RAB27B: variants seen among roughly 807,000 people sequenced by gnomAD.
The protein encoded by RAB27B is ras-related protein Rab-27B.
In RAB27B, 15 loss-of-function variants were observed where a neutral mutation model predicts 24.6. The ratio of observed to expected loss-of-function variants is 0.61; its 90% CI spans 0.41 to 0.94. The LOEUF (loss-of-function observed/expected upper bound fraction) is 0.94. Ranked by LOEUF, RAB27B falls within the 40% of genes least tolerant of loss-of-function variation. RAB27B has a pLI of 0.00. For missense variants in RAB27B, 261 were observed against 266.8 expected, an observed-to-expected ratio of 0.98 and a Z score of 0.15; for synonymous variants, 105 against 92.5, an observed-to-expected ratio of 1.14 and a Z score of -0.78.
chr18:54,879,349 A>G lies in RAB27B; in HGVS notation c.154-20A>G. On this transcript the variant is annotated intron_variant, in intron 2 of 5. Coordinates refer to ENST00000262094, the MANE Select transcript of RAB27B (RefSeq NM_004163.4). ...ACAAAATCCAAAGCAACCTCAACTA[A>G]TGAACGTTGTATCTTTCAGGTTTAT... is the stretch of plus-strand genomic sequence containing the variant. 1.9e-6 allele frequency: 3 copies of G among 1,588,234 alleles called. No homozygotes were observed. The highest frequency in any genetic ancestry group is 2.6e-6 in the Non-Finnish European group (3 of 1,156,648).
chr18:54,773,561 C>T lies in RAB27B; in HGVS notation c.-20+55420C>T, dbSNP rs77758145. 3.6e-3 allele frequency among the ~76,000 whole-genome samples: 551 copies of T among 152,222 alleles called. 16 individuals are homozygous for T. The East Asian group carries it at 0.088, about 24-fold the overall frequency. ...CCTATCTTCCAAGCACATAACTCTG[C>T]GAGGCACTATCTTAGGTGTTATAGA... On this transcript the variant is annotated intron_variant, in intron 2 of 4. Coordinates refer to the RAB27B transcript ENST00000586570.
intron 1 of RAB27B, among the ~76,000 whole-genome samples, chr18:54,872,625 TAAA>T (rs67765103): frequency 4.4e-5 from 6 of 137,566 alleles, no homozygotes; most frequent in Non-Finnish European, 4.6e-5. Context: ...AACTCTGCCT[TAAA>T]AAAAAAAAAA....
At chr18:54,781,111 C>G (rs1400065393) in intron 2 of RAB27B, among the ~76,000 whole-genome samples, 2 of 152,152 alleles carry the variant, frequency 1.3e-5, no homozygotes, top group Non-Finnish European at 2.9e-5. Context: ...GGCCCAGTGA[C>G]AGCCCAACTG....
chr18:54,759,104 G>C (rs1908101498), intron 2 of RAB27B, among the ~76,000 whole-genome samples: 1 of 152,206 alleles, frequency 6.6e-6, no homozygotes, highest in South Asian at 2.1e-4. Context: ...AGCACATGTT[G>C]AATCACTACT....
chr18:54,874,879 GA>G (rs773268265), intron 1 of RAB27B, among the ~76,000 whole-genome samples: 1 of 152,146 alleles, frequency 6.6e-6, no homozygotes, highest in African/African-American at 2.4e-5. Context: ...GGGGAAGAGG[GA>G]AAAAGGTAGA....
At chr18:54,824,071 A>G (rs2145171701), upstream of RAB27B, among the ~76,000 whole-genome samples, 1 of 152,142 alleles carries the variant, frequency 6.6e-6, no homozygotes, top group African/African-American at 2.4e-5. Context: ...TGTTATGATG[A>G]TTGAGGGTTT....
upstream of RAB27B, among the ~76,000 whole-genome samples, chr18:54,825,860 G>A (rs1021518707): frequency 1.3e-5 from 2 of 152,268 alleles, no homozygotes; most frequent in East Asian, 1.9e-4. Flanking sequence ...CCACCACCTG[G>A]CCTCCTTCTA....
At chr18:54,750,089 G>A (rs1907783701) in intron 2 of RAB27B, among the ~76,000 whole-genome samples, 1 of 152,108 alleles carries the variant, frequency 6.6e-6, no homozygotes, top group African/African-American at 2.4e-5. Flanking sequence ...CTATATTTAT[G>A]TGCAACAGAA....
At chr18:54,876,647 G>A (rs1003586013) in intron 1 of RAB27B, among the ~76,000 whole-genome samples, 8 of 151,960 alleles carry the variant, frequency 5.3e-5, no homozygotes, top group East Asian at 1.9e-4. Context: ...TGGTATTCTC[G>A]GTGTTACTGG....
At chr18:54,872,215 A>T (rs1417675246) in intron 1 of RAB27B, among the ~76,000 whole-genome samples, 1 of 152,180 alleles carries the variant, frequency 6.6e-6, no homozygotes, top group East Asian at 1.9e-4. Context: ...CACAAATTTT[A>T]CTTTCAAGTG....
chr18:54,725,629 A>AG (rs1466474996), intron 2 of RAB27B, among the ~76,000 whole-genome samples: 2 of 151,506 alleles, frequency 1.3e-5, no homozygotes, highest in African/African-American at 4.8e-5. Flanking sequence ...GTCATGGCAG[A>AG]GGGCACCTCT....
chr18:54,728,710 A>G (rs1909623504), intron 2 of RAB27B, among the ~76,000 whole-genome samples: 1 of 151,764 alleles, frequency 6.6e-6, no homozygotes, highest in Admixed American at 6.6e-5. Context: ...TCCTGTCTCT[A>G]TCAAAAATAC....
intron 2 of RAB27B, among the ~76,000 whole-genome samples, chr18:54,792,212 C>T (rs939481894): frequency 1.3e-5 from 2 of 152,156 alleles, no homozygotes; most frequent in Admixed American, 1.3e-4. Flanking sequence ...GCCGTGAGGT[C>T]GGAGCCCCAT....
At chr18:54,865,737 A>G (rs73956722) in intron 1 of RAB27B, among the ~76,000 whole-genome samples, 5,515 of 152,300 alleles carry the variant, frequency 0.036, 343 homozygotes, top group African/African-American at 0.13. Flanking sequence ...TAAATAAGCT[A>G]ATGTTAAATG....
intron 2 of RAB27B, among the ~76,000 whole-genome samples, chr18:54,718,671 T>C (rs1453915996): frequency 6.6e-6 from 1 of 152,220 alleles, no homozygotes; most frequent in East Asian, 1.9e-4. Flanking sequence ...AGCTAGTAGA[T>C]GGCACACAGA....
chr18:54,743,614 C>T (rs1027975437), intron 2 of RAB27B, among the ~76,000 whole-genome samples: 1 of 152,096 alleles, frequency 6.6e-6, no homozygotes, highest in African/African-American at 2.4e-5. Flanking sequence ...CTGGTGGATG[C>T]CTGGTCCTTG....
chr18:54,871,042 A>G (rs565584901), intron 1 of RAB27B, among the ~76,000 whole-genome samples: 2 of 152,348 alleles, frequency 1.3e-5, no homozygotes, highest in South Asian at 4.1e-4. Flanking sequence ...AAAGGCAAAA[A>G]TGTTATTTAG....
chr18:54,876,325 C>G (rs1912699459), intron 1 of RAB27B, among the ~76,000 whole-genome samples: 1 of 152,158 alleles, frequency 6.6e-6, no homozygotes, highest in Non-Finnish European at 1.5e-5. Flanking sequence ...GACACAAAGC[C>G]TAACCATATC....
chr18:54,841,825 T>G (rs746158348), intron 1 of RAB27B, among the ~76,000 whole-genome samples: 120 of 152,216 alleles, frequency 7.9e-4, no homozygotes, highest in Non-Finnish European at 1.5e-3. Context: ...CCTGAGTCAT[T>G]GCCTTCAGAA....
Sources: allele counts gnomAD v4.1 joint callset (sites outside exome capture counted in the v4.1 genomes callset), GRCh38; gene constraint gnomAD v4.1.1; transcripts MANE v1.5; gene names NCBI Gene and HGNC (gene_info 2026-07-23, HGNC 2026-07-21).